The following DSCAML1 variants were observed in gnomAD, a reference collection of about 807,000 sequenced individuals.
DSCAML1 encodes cell adhesion molecule DSCAML1.
A neutral mutation model predicts 200.5 loss-of-function variants in DSCAML1; 38 were observed. The ratio of observed to expected loss-of-function variants is 0.19; its 90% confidence interval spans 0.15 to 0.25. The LOEUF (loss-of-function observed/expected upper bound fraction) is 0.25. Ranked by LOEUF, DSCAML1 falls within the 10% of genes least tolerant of loss-of-function variation. The probability of loss-of-function intolerance (pLI) is 1.00; values close to 1 mark genes in which losing one functional copy is unlikely to be tolerated. For missense variants in DSCAML1, 2,223 were observed against 2,858.8 expected, an observed-to-expected ratio of 0.78 and a Z score of 5.07; for synonymous variants, 1,215 against 1,165.0, an observed-to-expected ratio of 1.04 and a Z score of -0.87.
At chr11:117,574,200 C>T (rs940052699) in intron 3 of DSCAML1, among the ~76,000 whole-genome samples, 3 of 152,208 alleles carry the variant, frequency 2.0e-5, no homozygotes, top group African/African-American at 4.8e-5. Flanking sequence ...CAAATGGGTG[C>T]CACATTTTTG....
chr11:117,780,478 T>C lies in DSCAML1; in HGVS notation c.364+15A>G, dbSNP rs762994737. On this transcript the variant is annotated intron_variant, in intron 2 of 32. Coordinates refer to ENST00000651296, the MANE Select transcript of DSCAML1 (RefSeq NM_020693.4). This position sits in a 1 kb window ranked among gnomAD's most constrained non-coding sequence, Gnocchi z 4.8. ...CCTCCTGTGCCACTGGGGCAGCCAG[T>C]GTCTTGTCCCTTACCTGCTTTGACG... is the stretch of plus-strand genomic sequence containing the variant. 15 of 1,418,468 alleles carry C rather than the reference T, an allele frequency of 1.1e-5. No homozygotes were observed. Among genetic ancestry groups the C allele is most frequent in the East Asian group, 2.7e-5 (1 of 37,538 alleles). 87.9% of individuals were successfully genotyped at this position (1,418,468 alleles called of 1,614,324 possible). A position where few individuals can be genotyped will look rare whatever the true frequency, so the allele number is the denominator to read the frequency against.
At position 117,593,064 on chromosome 11, in the gene DSCAML1, C is replaced by T. The variant is rs114292903; in HGVS notation, c.512-60542G>A. On this transcript the variant is annotated intron_variant, in intron 3 of 32. Transcript: ENST00000651296. ...CTCAAGCATCTGGCACAGTTCCTGG[C>T]ACTTACGGGGCACTAAACAAGAGGC... is the stretch of plus-strand genomic sequence containing the variant. 7.4e-3 allele frequency among the ~76,000 whole-genome samples: 1,123 copies of T among 152,334 alleles called. 10 individuals are homozygous for T. The highest frequency in any genetic ancestry group is 0.026 in the African/African-American group (1,065 of 41,576).
At position 117,593,856 on chromosome 11, in the gene DSCAML1, C is replaced by T. The variant is rs544364852; in HGVS notation, c.512-61334G>A. Among the ~76,000 whole-genome samples, 11 of 152,058 alleles carry T rather than the reference C, an allele frequency of 7.2e-5. No individual in the cohort carries two copies. In the South Asian group the frequency reaches 1.2e-3, roughly 17 times the overall value. ...CTTCCCAAGTAGATGGGACTACAGGCGCCCGCCACCACACCTGGCTAATTT... is the reference window on the plus strand; with the variant it reads ...CTTCCCAAGTAGATGGGACTACAGGTGCCCGCCACCACACCTGGCTAATTT... On this transcript the variant is annotated intron_variant, in intron 3 of 32. Transcript: ENST00000651296.
At chr11:117,798,848 C>T (rs140005602), upstream of DSCAML1, among the ~76,000 whole-genome samples, 710 of 152,266 alleles carry the variant, frequency 4.7e-3, 3 homozygotes, top group African/African-American at 0.016. Flanking sequence ...CCAGGCCTCC[C>T]GACTCCAGAG....
chr11:117,512,883 G>A (rs751742217), intron 8 of DSCAML1, among the ~76,000 whole-genome samples: 6 of 151,686 alleles, frequency 4.0e-5, no homozygotes, highest in East Asian at 1.9e-4. Context: ...CAGGCCCAGC[G>A]AGTCGCCGAG....
intron 11 of DSCAML1, among the ~76,000 whole-genome samples, chr11:117,502,591 G>T (rs541031920): frequency 1.3e-5 from 2 of 152,270 alleles, no homozygotes; most frequent in African/African-American, 4.8e-5. Context: ...AGCTGAACGC[G>T]GGCTTTGGCA....
At chr11:117,523,904 T>C (rs2049926266) in intron 5 of DSCAML1, among the ~76,000 whole-genome samples, 1 of 152,100 alleles carries the variant, frequency 6.6e-6, no homozygotes, top group African/African-American at 2.4e-5. Flanking sequence ...TCCTCAAGGG[T>C]GTCCAGATCC....
chr11:117,516,786 T>C lies in DSCAML1; in HGVS notation c.1511-47A>G. 2 of 1,575,068 alleles carry C rather than the reference T, an allele frequency of 1.3e-6. No individual in the cohort carries two copies. Among genetic ancestry groups the C allele is most frequent in the Non-Finnish European group, 1.7e-6 (2 of 1,160,124 alleles). ...GGAGGAGGAGGAGAAGGGCATGTGC[T>C]GCTGTCAGCCAGGGACAGCCAGGCA... On this transcript the variant is annotated intron_variant, in intron 7 of 32. Coordinates refer to ENST00000651296, the MANE Select transcript of DSCAML1 (RefSeq NM_020693.4). The surrounding 1 kb of genome is among the most constrained non-coding windows in gnomAD (Gnocchi z 5.7).
At chr11:117,597,945 T>C (rs1274155758) in intron 3 of DSCAML1, among the ~76,000 whole-genome samples, 1 of 152,156 alleles carries the variant, frequency 6.6e-6, no homozygotes, top group Admixed American at 6.5e-5. Flanking sequence ...CAAAGACATA[T>C]TCAGCCTGGG....
intron 8 of DSCAML1, among the ~76,000 whole-genome samples, chr11:117,512,661 C>CGT (rs1565753693): frequency 1.0e-4 from 11 of 106,536 alleles, no homozygotes; most frequent in African/African-American, 3.9e-4. Flanking sequence ...CACACACACA[C>CGT]ACACACACAC....
intron 3 of DSCAML1, among the ~76,000 whole-genome samples, chr11:117,626,202 C>A (rs538224720): frequency 4.8e-5 from 4 of 84,024 alleles, no homozygotes; most frequent in South Asian, 3.1e-4. Context: ...TGCTGAGACC[C>A]CCCCCCCTCC....
chr11:117,753,781 G>C (rs757569824), intron 3 of DSCAML1, among the ~76,000 whole-genome samples: 1 of 152,206 alleles, frequency 6.6e-6, no homozygotes, highest in Non-Finnish European at 1.5e-5. Context: ...CACTCACGCT[G>C]CATGTTGCCA....
intron 19 of DSCAML1, 51 bp from the exon 20 acceptor site, chr11:117,450,739 T>C: frequency 6.3e-7 from 1 of 1,582,240 alleles, no homozygotes; most frequent in Non-Finnish European, 8.6e-7. Flanking sequence ...AGCACAGCCT[T>C]TGGGGAAAAT....
chr11:117,684,804 G>A (rs1057499932), intron 3 of DSCAML1, among the ~76,000 whole-genome samples: 1 of 152,262 alleles, frequency 6.6e-6, no homozygotes, highest in Non-Finnish European at 1.5e-5. Context: ...TTCATATATT[G>A]CTGGGGCTTT....
At chr11:117,494,105 A>G (rs2049245177) in intron 11 of DSCAML1, among the ~76,000 whole-genome samples, 2 of 152,192 alleles carry the variant, frequency 1.3e-5, no homozygotes. Context: ...TTTCCATTTT[A>G]GACATGAGAA....
intron 3 of DSCAML1, among the ~76,000 whole-genome samples, chr11:117,773,484 T>C (rs1322289287): frequency 6.7e-6 from 1 of 150,198 alleles, no homozygotes; most frequent in African/African-American, 2.5e-5. Flanking sequence ...CCATGTAATC[T>C]TCCCCTACCA....
chr11:117,654,036 A>T (rs979903215), intron 3 of DSCAML1, among the ~76,000 whole-genome samples: 3 of 152,240 alleles, frequency 2.0e-5, no homozygotes, highest in African/African-American at 7.2e-5. Context: ...CTTAAAAAAA[A>T]GTACTGATAT....
At chr11:117,639,339 G>A (rs2052353905) in intron 3 of DSCAML1, among the ~76,000 whole-genome samples, 1 of 145,254 alleles carries the variant, frequency 6.9e-6, no homozygotes, top group Non-Finnish European at 1.5e-5. Flanking sequence ...TGGGAGGCTG[G>A]GTGGGTGGGA....
chr11:117,617,929 G>GT (rs1324317124), intron 3 of DSCAML1, among the ~76,000 whole-genome samples: 2 of 152,114 alleles, frequency 1.3e-5, no homozygotes, highest in Non-Finnish European at 2.9e-5. Flanking sequence ...GTCTGTCCAT[G>GT]CCCAGGTAAC....
Sources: gnomAD v4.1 joint callset for allele counts (sites outside exome capture counted in the v4.1 genomes callset) on GRCh38, gnomAD v4.1.1 for gene constraint, Gnocchi (gnomAD v3.1) non-coding constraint, MANE v1.5 for transcripts, NCBI Gene and HGNC (gene_info 2026-07-23, HGNC 2026-07-21) for gene names.